Variants in AGBL1 observed in about 807,000 individuals in gnomAD.
AGBL1 encodes the protein AGBL carboxypeptidase 1.
In AGBL1, 130 loss-of-function variants were observed where a neutral mutation model predicts 118.9. The ratio of observed to expected loss-of-function variants is 1.09; its 90% CI spans 0.95 to 1.26. The LOEUF is 1.26. AGBL1 is among the 50% of genes most tolerant of loss of function. AGBL1 has a pLI of 0.00. For missense variants in AGBL1, 1,584 were observed against 1,298.1 expected (o/e 1.22, Z -3.38); for synonymous variants, 555 against 478.9 (o/e 1.16, Z -2.08).
At chr15:86,608,369 C>T (rs79816853) in intron 21 of AGBL1, among the ~76,000 whole-genome samples, 2,926 of 152,292 alleles carry the variant, frequency 0.019, 97 homozygotes, top group African/African-American at 0.066. Flanking sequence ...CCCAAATTCA[C>T]TTTCCAATCT....
At chr15:86,798,127 C>G (rs1272490145) in intron 22 of AGBL1, among the ~76,000 whole-genome samples, 1 of 152,056 alleles carries the variant, frequency 6.6e-6, no homozygotes, top group Non-Finnish European at 1.5e-5. Flanking sequence ...AGACTGCAGA[C>G]CATAGAACAG....
At chr15:86,130,991 C>T (rs1389240601) in intron 1 of AGBL1, among the ~76,000 whole-genome samples, 1 of 152,098 alleles carries the variant, frequency 6.6e-6, no homozygotes, top group Non-Finnish European at 1.5e-5. Context: ...CATTTAATGC[C>T]AATTGATCCC....
chr15:87,007,870 T>G (rs771477723), intron 24 of AGBL1, among the ~76,000 whole-genome samples: 1 of 152,210 alleles, frequency 6.6e-6, no homozygotes, highest in Non-Finnish European at 1.5e-5. Context: ...ATATGGCAAT[T>G]CCTTGTAACA....
intron 21 of AGBL1, among the ~76,000 whole-genome samples, chr15:86,610,385 A>T (rs543223956): frequency 4.5e-4 from 68 of 152,276 alleles, no homozygotes; most frequent in African/African-American, 1.5e-3. Flanking sequence ...CTTCAAGAAA[A>T]ATTAAAATTT....
intron 21 of AGBL1, among the ~76,000 whole-genome samples, chr15:86,639,866 G>A (rs1030386813): frequency 1.3e-5 from 2 of 152,114 alleles, no homozygotes; most frequent in Non-Finnish European, 2.9e-5. Context: ...TCTGGGTGCA[G>A]GTTTTTATCT....
intron 18 of AGBL1, among the ~76,000 whole-genome samples, chr15:86,403,732 G>A (rs2081482018): frequency 6.6e-6 from 1 of 152,192 alleles, no homozygotes; most frequent in Non-Finnish European, 1.5e-5. Flanking sequence ...TCAGTTTTGA[G>A]TGCAGTTTAA....
chr15:86,778,739 A>C (rs2078292956), intron 22 of AGBL1, among the ~76,000 whole-genome samples: 1 of 152,176 alleles, frequency 6.6e-6, no homozygotes, highest in Non-Finnish European at 1.5e-5. Flanking sequence ...CAATTTGTGC[A>C]GTTAACACAA....
chr15:86,091,507 T>G (rs1295747888), intron 1 of AGBL1, among the ~76,000 whole-genome samples: 2 of 152,212 alleles, frequency 1.3e-5, no homozygotes, highest in African/African-American at 4.8e-5. Context: ...GCCTATGCAG[T>G]TATGCCTAGG....
chr15:86,173,928 TGTTTTGTG>T (rs2077448276), intron 5 of AGBL1, among the ~76,000 whole-genome samples: 1 of 152,090 alleles, frequency 6.6e-6, no homozygotes, highest in South Asian at 2.1e-4. Context: ...CTATTTTGGG[TGTTTTGTG>T]GTTTCATATG....
intron 17 of AGBL1, among the ~76,000 whole-genome samples, chr15:86,344,276 A>G (rs781223846): frequency 6.6e-6 from 1 of 152,228 alleles, no homozygotes; most frequent in Non-Finnish European, 1.5e-5. Context: ...TGATGAGACA[A>G]TGAATGGCAG....
At chr15:86,568,896 A>C (rs2083959058) in intron 21 of AGBL1, among the ~76,000 whole-genome samples, 1 of 152,204 alleles carries the variant, frequency 6.6e-6, no homozygotes, top group Non-Finnish European at 1.5e-5. Context: ...AAATTTTTTT[A>C]ATGACAATGA....
chr15:86,322,188 A>G (rs1434637141), intron 17 of AGBL1, among the ~76,000 whole-genome samples: 1 of 151,382 alleles, frequency 6.6e-6, no homozygotes, highest in East Asian at 1.9e-4. Flanking sequence ...TGCTATTTGA[A>G]TCTTATATAT....
In AGBL1 at chr15:86,980,746, G is replaced by A. The variant is rs116019359; in HGVS notation, c.3222-7241G>A. 5.5e-3 allele frequency among the ~76,000 whole-genome samples: 841 copies of A among 151,774 alleles called. 6 individuals are homozygous for A. Among genetic ancestry groups the A allele is most frequent in the African/African-American group, 0.02 (818 of 41,366 alleles). Reference sequence around the variant, plus strand: ...TTCATTAAATATTGAGTTCTCATTCGTTTCTCTTGCTATTATTTTAAAAAC... The same window carrying A: ...TTCATTAAATATTGAGTTCTCATTCATTTCTCTTGCTATTATTTTAAAAAC... On this transcript the variant is annotated intron_variant, in intron 23 of 24. Coordinates refer to the AGBL1 transcript ENST00000441037.
intron 22 of AGBL1, among the ~76,000 whole-genome samples, chr15:86,804,887 G>A (rs1051837624): frequency 2.0e-5 from 3 of 152,096 alleles, no homozygotes; most frequent in Non-Finnish European, 2.9e-5. Context: ...AGCATCGGTG[G>A]CCAGAAACCA....
intron 24 of AGBL1, among the ~76,000 whole-genome samples, chr15:87,006,232 C>T (rs1164550251): frequency 2.6e-5 from 4 of 152,192 alleles, no homozygotes; most frequent in African/African-American, 9.6e-5. Context: ...CAGACAGGGA[C>T]ATTTAAATCT....
At chr15:86,981,737 C>T (rs920693517) in intron 23 of AGBL1, among the ~76,000 whole-genome samples, 3 of 152,084 alleles carry the variant, frequency 2.0e-5, no homozygotes, top group Non-Finnish European at 4.4e-5. Flanking sequence ...CAAAATATCT[C>T]CCCGTTAAGC....
intron 22 of AGBL1, among the ~76,000 whole-genome samples, chr15:86,748,994 C>G (rs1255099997): frequency 6.6e-6 from 1 of 152,020 alleles, no homozygotes; most frequent in Non-Finnish European, 1.5e-5. Flanking sequence ...GCAATGTGGG[C>G]TCTTTTTTGG....
At chr15:86,450,993 A>C (rs1166720093) in intron 18 of AGBL1, among the ~76,000 whole-genome samples, 1 of 152,154 alleles carries the variant, frequency 6.6e-6, no homozygotes, top group Non-Finnish European at 1.5e-5. Context: ...TATATCTTCT[A>C]GGATATGTTT....
intron 22 of AGBL1, among the ~76,000 whole-genome samples, chr15:86,882,512 A>G (rs2079909486): frequency 6.6e-6 from 1 of 152,170 alleles, no homozygotes; most frequent in Non-Finnish European, 1.5e-5. Context: ...CCTTAGATAA[A>G]TCACTCACCT....
Sources: allele counts gnomAD v4.1 joint callset (sites outside exome capture counted in the v4.1 genomes callset), GRCh38; gene constraint gnomAD v4.1.1; transcripts MANE v1.5; gene names NCBI Gene and HGNC (gene_info 2026-07-23, HGNC 2026-07-21).